The following IQUB variants were observed in gnomAD, a reference collection of about 807,000 sequenced individuals.
IQUB encodes the protein IQ motif and ubiquitin domain containing.
A neutral mutation model predicts 86.4 loss-of-function variants in IQUB; 86 were observed. The ratio of observed to expected loss-of-function variants is 1.00; its 90% CI spans 0.84 to 1.19. The LOEUF is 1.19. Among genes scored for constraint, IQUB ranks in the 50% most tolerant of loss-of-function variants. The pLI is 0.00. For synonymous variants in IQUB, 289 were observed against 304.5 expected, an observed-to-expected ratio of 0.95 and a Z score of 0.53; for missense variants, 946 against 916.9, an observed-to-expected ratio of 1.03 and a Z score of -0.41.
intron 8 of IQUB, among the ~76,000 whole-genome samples, chr7:123,479,109 A>G (rs1794881895): frequency 6.6e-6 from 1 of 152,124 alleles, no homozygotes. Flanking sequence ...TAGAAATAGA[A>G]GCACTACAGG....
intron 8 of IQUB, among the ~76,000 whole-genome samples, chr7:123,472,569 A>G (rs1444437510): frequency 6.6e-6 from 1 of 152,218 alleles, no homozygotes; most frequent in Non-Finnish European, 1.5e-5. Flanking sequence ...AGTATCTAAG[A>G]TGAAATCTGA....
intron 1 of IQUB, among the ~76,000 whole-genome samples, chr7:123,529,724 T>TAAAAAA (rs753026777): frequency 0.11 from 4,096 of 35,782 alleles, 1,005 homozygotes; most frequent in East Asian, 0.19. Context: ...TGTCTCTACT[T>TAAAAAA]AAAAAAAAAA....
chr7:123,515,900 T>C (rs1390245757), intron 1 of IQUB, among the ~76,000 whole-genome samples: 1 of 152,108 alleles, frequency 6.6e-6, no homozygotes, highest in East Asian at 1.9e-4. Flanking sequence ...TTAGAAAACA[T>C]ACCAAAGCCT....
chr7:123,500,302 T>C (rs889010940), intron 6 of IQUB, among the ~76,000 whole-genome samples: 7 of 152,172 alleles, frequency 4.6e-5, no homozygotes, highest in African/African-American at 1.7e-4. Context: ...CGGGACCACT[T>C]TTCTGTAACA....
chr7:123,511,374 T>C (rs1194018895), intron 2 of IQUB, among the ~76,000 whole-genome samples: 1 of 152,192 alleles, frequency 6.6e-6, no homozygotes, highest in African/African-American at 2.4e-5. Context: ...AAGAATATAA[T>C]AATAACTACT....
At chr7:123,530,263 C>T (rs2117394168) in intron 1 of IQUB, among the ~76,000 whole-genome samples, 1 of 151,790 alleles carries the variant, frequency 6.6e-6, no homozygotes, top group East Asian at 2.0e-4. Context: ...TGGTGAAACC[C>T]CGTCTCTACT....
At chr7:123,482,634 AT>A (rs888544721) in intron 7 of IQUB, among the ~76,000 whole-genome samples, 13 of 152,146 alleles carry the variant, frequency 8.5e-5, no homozygotes, top group Non-Finnish European at 1.6e-4. Context: ...TGCAACCAAA[AT>A]TTCAGCAAGG....
chr7:123,488,474 G>A (rs1030301446), intron 7 of IQUB, among the ~76,000 whole-genome samples: 1 of 152,176 alleles, frequency 6.6e-6, no homozygotes, highest in African/African-American at 2.4e-5. Flanking sequence ...CAAGAGCCCT[G>A]AGCACATTTG....
rs752854789 is a variant in IQUB at position 123,511,945 on chromosome 7, T to C, written c.396A>G (p.Thr132=). The C allele has an allele frequency of 6.3e-6, 10 of 1,594,540 alleles. No individual in the cohort carries two copies. The highest frequency in any genetic ancestry group is 8.6e-6 in the Non-Finnish European group (10 of 1,165,858). Residue 132 remains threonine (T), a splice_region_variant and synonymous_variant, in exon 2 of 13, where the codon ACA becomes ACG. Coordinates refer to ENST00000324698, the MANE Select transcript of IQUB (RefSeq NM_178827.5). ...LQESVEDSLA[T]VKVVLIPVGQ... ...TAGCCTATCTTCCTTAGGTAGTACC[T>C]GTTGCTAGAGAATCTTCCACTGATT...
intron 1 of IQUB, among the ~76,000 whole-genome samples, chr7:123,523,171 C>T (rs1448673373): frequency 6.6e-6 from 1 of 151,918 alleles, no homozygotes; most frequent in Non-Finnish European, 1.5e-5. Context: ...CATACATGTG[C>T]ATGTATCTTT....
rs534537550 is a variant in IQUB at position 123,500,672 on chromosome 7, A to G, written c.1023+1925T>C. Among the ~76,000 whole-genome samples, 76 of 152,194 alleles carry G rather than the reference A, an allele frequency of 5.0e-4. 1 individual carries two copies. Among genetic ancestry groups the G allele is most frequent in the African/African-American group, 1.8e-3 (75 of 41,536 alleles). On this transcript the variant is annotated intron_variant, in intron 6 of 12. Coordinates refer to ENST00000324698, the MANE Select transcript of IQUB (RefSeq NM_178827.5). The stretch of plus-strand genomic sequence containing the variant: ...TTCCTCTGTTAACAGGTCACACCTC[A>G]CTTCCACCTCCCACAGAACCTCCAA...
chr7:123,463,110 A>C (rs1345297951), intron 10 of IQUB, among the ~76,000 whole-genome samples: 1 of 151,768 alleles, frequency 6.6e-6, no homozygotes, highest in African/African-American at 2.4e-5. Flanking sequence ...GTACAGGATA[A>C]TCCATAGATG....
At chr7:123,469,089 C>A (rs969255812) in intron 9 of IQUB, 125 bp downstream of exon 9, 4 of 601,290 alleles carry the variant, frequency 6.7e-6, no homozygotes, top group East Asian at 6.4e-5. Flanking sequence ...ATGCATAAAC[C>A]ACATCCTTCC....
At chr7:123,530,693 T>TG (rs71161485) in intron 1 of IQUB, among the ~76,000 whole-genome samples, 1 of 148,706 alleles carries the variant, frequency 6.7e-6, no homozygotes, top group Non-Finnish European at 1.5e-5. Context: ...TTTTTTTTTT[T>TG]GAGATGGAGT....
At chr7:123,493,939 C>T (rs1333936716) in intron 7 of IQUB, among the ~76,000 whole-genome samples, 1 of 152,010 alleles carries the variant, frequency 6.6e-6, no homozygotes, top group Non-Finnish European at 1.5e-5. Flanking sequence ...TATGGCACAT[C>T]CATGCAATGG....
chr7:123,493,983 T>A (rs1390908559), intron 7 of IQUB, among the ~76,000 whole-genome samples: 1 of 152,024 alleles, frequency 6.6e-6, no homozygotes, highest in African/African-American at 2.4e-5. Context: ...ACAGCAAGGA[T>A]CGGTCTCATG....
rs1468905208 is a variant in IQUB at position 123,520,019 on chromosome 7, C to A, written c.-4-7675G>T. Among the ~76,000 whole-genome samples, 8 of 143,554 alleles carry A rather than the reference C, an allele frequency of 5.6e-5. No homozygotes were observed. In the Admixed American group the frequency reaches 5.8e-4, roughly 10 times the overall value. The allele number at this position is 143,554 out of a possible 152,430, so 94.2% of individuals were successfully genotyped here. A position where few individuals can be genotyped will look rare whatever the true frequency, so the allele number is the denominator to read the frequency against. ...TGGGTACCTACTCATTACCAGTCCC[C>A]CTTTTAGCTGTGTGTAGAGACACTT... On this transcript the variant is annotated intron_variant, in intron 1 of 12. Coordinates refer to ENST00000324698, the MANE Select transcript of IQUB (RefSeq NM_178827.5).
intron 1 of IQUB, among the ~76,000 whole-genome samples, chr7:123,521,905 T>C (rs1796923465): frequency 6.6e-6 from 1 of 152,176 alleles, no homozygotes; most frequent in Admixed American, 6.5e-5. Context: ...CATGACTTCA[T>C]TGCCATGCAG....
At chr7:123,525,113 T>C (rs895353577) in intron 1 of IQUB, among the ~76,000 whole-genome samples, 2 of 152,234 alleles carry the variant, frequency 1.3e-5, no homozygotes, top group Non-Finnish European at 2.9e-5. Flanking sequence ...CAGTATTTTA[T>C]TGAAGATTTT....
Sources: gnomAD v4.1 joint callset for allele counts (sites outside exome capture counted in the v4.1 genomes callset) on GRCh38, gnomAD v4.1.1 for gene constraint, MANE v1.5 for transcripts, NCBI Gene and HGNC (gene_info 2026-07-23, HGNC 2026-07-21) for gene names.